The following SKAP2 variants were observed in gnomAD, a reference collection of about 807,000 sequenced individuals.
SKAP2 encodes the protein src kinase-associated phosphoprotein 2.
In SKAP2, 28 loss-of-function variants were observed where a neutral mutation model predicts 54.9. That is an observed-to-expected ratio of 0.51 (90% CI 0.38 to 0.70). The LOEUF (loss-of-function observed/expected upper bound fraction) is 0.70. Among genes scored for constraint, SKAP2 ranks in the 30% least tolerant of loss-of-function variants. The probability of loss-of-function intolerance (pLI) is 0.00; values close to 1 mark genes in which losing one functional copy is unlikely to be tolerated. For synonymous variants in SKAP2, 137 were observed against 134.3 expected, an observed-to-expected ratio of 1.02 and a Z score of -0.14; for missense variants, 356 against 424.1, an observed-to-expected ratio of 0.84 and a Z score of 1.41.
In SKAP2 at chr7:26,667,246, A is replaced by G. The variant is rs1245070613; in HGVS notation, c.*2420T>C. On this transcript the variant is annotated 3_prime_UTR_variant, in exon 13 of 13. Transcript: ENST00000345317. Reference sequence around the variant, plus strand: ...ATTAGCTCTCTAACTGTTCACAGAAAAACAAATAAAAGCTAAGCAAACATA... The same window carrying G: ...ATTAGCTCTCTAACTGTTCACAGAAGAACAAATAAAAGCTAAGCAAACATA... 1 of 152,202 alleles carries G rather than the reference A, an allele frequency of 6.6e-6. No homozygotes were observed. Among genetic ancestry groups the G allele is most frequent in the Non-Finnish European group, 1.5e-5 (1 of 68,038 alleles). 9.4% of individuals were successfully genotyped at this position (152,202 alleles called of 1,614,324 possible). A position where few individuals can be genotyped will look rare whatever the true frequency, so the allele number is the denominator to read the frequency against.
chr7:26,814,361 T>C (rs3823932), intron 4 of SKAP2, among the ~76,000 whole-genome samples: 32,131 of 152,000 alleles, frequency 0.21, 3,462 homozygotes, highest in Non-Finnish European at 0.24. Flanking sequence ...ATTTAGCTCC[T>C]CTTACAGAGA....
intron 4 of SKAP2, among the ~76,000 whole-genome samples, chr7:26,773,902 G>A (rs940522092): frequency 6.6e-6 from 1 of 152,196 alleles, no homozygotes; most frequent in Non-Finnish European, 1.5e-5. Flanking sequence ...TGTAAGGTAT[G>A]ACAATAAGGT....
At chr7:26,799,218 T>C (rs1386674451) in intron 4 of SKAP2, among the ~76,000 whole-genome samples, 1 of 151,576 alleles carries the variant, frequency 6.6e-6, no homozygotes, top group Non-Finnish European at 1.5e-5. Context: ...TACTTATCAA[T>C]AATACCATTG....
the SKAP2 span, among the ~76,000 whole-genome samples, chr7:26,659,857 C>T: frequency 6.6e-6 from 1 of 152,036 alleles, no homozygotes; most frequent in Non-Finnish European, 1.5e-5. Context: ...TAATACATAG[C>T]ATTAGAAAGA....
At chr7:26,732,498 C>T (rs919888798) in intron 6 of SKAP2, among the ~76,000 whole-genome samples, 12 of 152,152 alleles carry the variant, frequency 7.9e-5, no homozygotes, top group Admixed American at 5.2e-4. Context: ...ATACCAAGAA[C>T]ACTAACTTGG....
the SKAP2 span, among the ~76,000 whole-genome samples, chr7:26,659,730 T>C: frequency 6.6e-6 from 1 of 152,008 alleles, no homozygotes; most frequent in Non-Finnish European, 1.5e-5. Flanking sequence ...GTGTGTATAG[T>C]TTTAAATATA....
chr7:26,816,913 C>T (rs1784276808), intron 4 of SKAP2, among the ~76,000 whole-genome samples: 1 of 152,112 alleles, frequency 6.6e-6, no homozygotes, highest in Non-Finnish European at 1.5e-5. Context: ...TAATTGCTAA[C>T]ATGGTTTGCT....
intron 9 of SKAP2, among the ~76,000 whole-genome samples, chr7:26,718,740 G>T: frequency 6.6e-6 from 1 of 152,166 alleles, no homozygotes; most frequent in Middle Eastern, 3.2e-3. Flanking sequence ...TCTTGACCTT[G>T]TGATCTGCCC....
chr7:26,753,778 T>C (rs770020724), intron 4 of SKAP2, among the ~76,000 whole-genome samples: 1 of 152,138 alleles, frequency 6.6e-6, no homozygotes, highest in African/African-American at 2.4e-5. Flanking sequence ...GCTACAGTCC[T>C]TGCCTTTGAG....
chr7:26,720,634 T>C (rs1389042466), intron 9 of SKAP2, among the ~76,000 whole-genome samples: 1 of 152,042 alleles, frequency 6.6e-6, no homozygotes, highest in Non-Finnish European at 1.5e-5. Flanking sequence ...TGACTCACAG[T>C]TTAGCATGGT....
chr7:26,715,662 C>G (rs1440342080), intron 9 of SKAP2, among the ~76,000 whole-genome samples: 1 of 151,990 alleles, frequency 6.6e-6, no homozygotes, highest in Non-Finnish European at 1.5e-5. Context: ...ACCTATAATC[C>G]CAGCTATTCG....
At chr7:26,775,755 C>T (rs150052476) in intron 4 of SKAP2, among the ~76,000 whole-genome samples, 1 of 152,242 alleles carries the variant, frequency 6.6e-6, no homozygotes, top group East Asian at 1.9e-4. Context: ...TTTGTCATTT[C>T]AAGAATGTCA....
At chr7:26,816,439 A>G (rs1784267008) in intron 4 of SKAP2, among the ~76,000 whole-genome samples, 1 of 152,106 alleles carries the variant, frequency 6.6e-6, no homozygotes, top group African/African-American at 2.4e-5. Context: ...TAAGATAAGA[A>G]TATTAGGAAT....
chr7:26,722,341 C>A (rs1321383608), intron 9 of SKAP2, among the ~76,000 whole-genome samples: 1 of 150,704 alleles, frequency 6.6e-6, no homozygotes, highest in Admixed American at 6.6e-5. Flanking sequence ...AATTTAGATT[C>A]CTGTAGAATT....
At chr7:26,729,402 C>T (rs1461435338) in intron 6 of SKAP2, among the ~76,000 whole-genome samples, 1 of 151,878 alleles carries the variant, frequency 6.6e-6, no homozygotes, top group Non-Finnish European at 1.5e-5. Context: ...AAAGCACAAG[C>T]GAAGTAGGAG....
At chr7:26,819,414 T>A (rs1393035565) in intron 4 of SKAP2, among the ~76,000 whole-genome samples, 1 of 151,824 alleles carries the variant, frequency 6.6e-6, no homozygotes, top group Non-Finnish European at 1.5e-5. Context: ...CCTGCACCTG[T>A]CGGGGGGTGG....
At chr7:26,672,106 A>G (rs1190190640) in intron 11 of SKAP2, among the ~76,000 whole-genome samples, 1 of 152,024 alleles carries the variant, frequency 6.6e-6, no homozygotes, top group South Asian at 2.1e-4. Context: ...AGACATAGAA[A>G]ACATTCAGTG....
intron 9 of SKAP2, among the ~76,000 whole-genome samples, chr7:26,698,533 C>T (rs1240169641): frequency 6.6e-6 from 1 of 152,284 alleles, no homozygotes; most frequent in East Asian, 1.9e-4. Flanking sequence ...AAAGAATGTC[C>T]TTGATGAAGC....
intron 4 of SKAP2, among the ~76,000 whole-genome samples, chr7:26,831,772 A>C (rs1784601133): frequency 6.6e-6 from 1 of 152,072 alleles, no homozygotes; most frequent in African/African-American, 2.4e-5. Context: ...TATGTTCTTA[A>C]CTACTATGTT....
Sources: gnomAD v4.1 joint callset for allele counts (sites outside exome capture counted in the v4.1 genomes callset) on GRCh38, gnomAD v4.1.1 for gene constraint, MANE v1.5 for transcripts, NCBI Gene and HGNC (gene_info 2026-07-23, HGNC 2026-07-21) for gene names.